Variants in PARP14 observed in about 807,000 individuals in gnomAD.
The protein encoded by PARP14 is poly(ADP-ribose) polymerase family member 14.
Under a neutral mutation model 154.2 loss-of-function variants are expected in PARP14, and 59 were observed. The observed-to-expected ratio is 0.38, with a 90% CI of 0.31 to 0.48. The LOEUF is 0.48. PARP14 is among the 20% of genes least tolerant of loss of function. The pLI, the probability that PARP14 is intolerant of heterozygous loss-of-function variation, is 0.98. For missense variants in PARP14, 1,734 were observed against 2,131.6 expected (o/e 0.81, Z 3.67); for synonymous variants, 720 against 780.5 (o/e 0.92, Z 1.29).
chr3:122,721,513 GGTGGCAGAGATTGCAGTGA>G (rs1266861915), intron 15 of PARP14: 2 of 152,606 alleles, frequency 1.3e-5, no homozygotes, highest in Admixed American at 6.5e-5. Flanking sequence ...CTTGAACATG[GGTGGCAGAGATTGCAGTGA>G]GCCAAGATCA....
Position 122,718,905 on chromosome 3 carries a change from C to T in PARP14, c.4754C>T (p.Ala1585Val), listed in dbSNP as rs1933075783. 2 of 1,612,554 alleles carry T rather than the reference C, an allele frequency of 1.2e-6. No homozygotes were observed. The highest frequency in any genetic ancestry group is 1.7e-6 in the Non-Finnish European group (2 of 1,179,288). Residue 1585 changes from alanine to valine, a missense_variant, in exon 14 of 17, where the codon GCC (alanine) becomes GTC (valine). This residue lies in a region of PARP14 where 1,646 missense variants were observed against 1,976.0 expected (regional missense o/e 0.83). Coordinates refer to ENST00000474629, the MANE Select transcript of PARP14 (RefSeq NM_017554.3). ...ACAGTGAACTTGAACACATACACTG[C>T]CACAGACACAAAGGGCCACAGTTTA... ...HYTVNLNTYT[A>V]TDTKGHSLSV...
Position 122,713,516 on chromosome 3 carries a change from A to G in PARP14, c.3712A>G (p.Lys1238Glu). 2 of 1,613,650 alleles carry G rather than the reference A, an allele frequency of 1.2e-6. No homozygotes were observed. The highest frequency in any genetic ancestry group is 1.7e-6 in the Non-Finnish European group (2 of 1,179,564). Residue 1238 changes from lysine (K) to glutamate (E), a missense_variant, in exon 10 of 17, where the codon AAA becomes GAA. Coordinates refer to ENST00000474629, the MANE Select transcript of PARP14 (RefSeq NM_017554.3). The stretch of plus-strand genomic sequence containing the variant: ...CCAGGTGGCTTCTGGAGATATCACG[A>G]AAGAAGAGGCAGATGTGATTGTAAA... ...IFQVASGDIT[K>E]EEADVIVNST...
At chr3:122,696,912 T>A (rs1252247517) in intron 5 of PARP14, among the ~76,000 whole-genome samples, 1 of 152,178 alleles carries the variant, frequency 6.6e-6, no homozygotes, top group Non-Finnish European at 1.5e-5. Flanking sequence ...ATTTACTGAC[T>A]TTCTTTTATG....
Position 122,700,057 on chromosome 3 carries a change from C to A in PARP14, c.1503C>A (p.Tyr501Ter), listed in dbSNP as rs761386965. The change falls in exon 6 of 17, where the codon TAC becomes TAA. Residue 501 changes from tyrosine (Y) to a stop codon, truncating the protein, a stop_gained. Coordinates refer to ENST00000474629, the MANE Select transcript of PARP14 (RefSeq NM_017554.3). LOFTEE classifies it high-confidence loss of function. Reference sequence around the variant, plus strand: ...AGTGCCCAGAGATAGAGATTTGTTACGATAGAGTCACTCAACACTTGTGCT... The same window carrying A: ...AGTGCCCAGAGATAGAGATTTGTTAAGATAGAGTCACTCAACACTTGTGCT... ...LTECPEIEIC[Y>*]DRVTQHLCLK... The A allele has an allele frequency of 6.2e-7, 1 of 1,613,716 alleles. No individual in the cohort carries two copies. Among genetic ancestry groups the A allele is most frequent in the Non-Finnish European group, 8.5e-7 (1 of 1,179,804 alleles).
At chr3:122,715,643 T>TATCG (rs1235902584) in intron 12 of PARP14, among the ~76,000 whole-genome samples, 11 of 148,866 alleles carry the variant, frequency 7.4e-5, no homozygotes, top group South Asian at 4.3e-4. Context: ...TCTATCTATC[T>TATCG]ATCTATCTAT....
Position 122,728,477 on chromosome 3 carries a change from C to A in PARP14, c.5286C>A (p.Asn1762Lys). 6.2e-7 allele frequency: 1 copy of A among 1,613,870 alleles called. No individual in the cohort carries two copies. The stretch of plus-strand genomic sequence containing the variant: ...CATTAATTGTGCCTCCTTCAAAGAA[C>A]CCTCAAAATCCTACTGACCTGTATG... ...NHSLIVPPSK[N>K]PQNPTDLYDT... The change falls in exon 17 of 17, where the codon AAC (asparagine) becomes AAA (lysine). Residue 1762 changes from asparagine (N) to lysine (K), a missense_variant. Around this residue, in one of 2 missense-constraint regions of PARP14, gnomAD observed 88 missense variants for 155.6 expected, o/e 0.57. Coordinates refer to ENST00000474629, the MANE Select transcript of PARP14 (RefSeq NM_017554.3).
chr3:122,707,307 G>A (rs575474703), intron 8 of PARP14, among the ~76,000 whole-genome samples: 2 of 151,492 alleles, frequency 1.3e-5, no homozygotes, highest in Admixed American at 1.3e-4. Context: ...CTTGAACCTG[G>A]GAGGCGGAGT....
At chr3:122,706,165 C>G (rs890416713) in intron 8 of PARP14, among the ~76,000 whole-genome samples, 2 of 152,200 alleles carry the variant, frequency 1.3e-5, no homozygotes, top group Admixed American at 6.5e-5. Context: ...CATTCATTTT[C>G]TTTCCTGAAG....
At chr3:122,722,396 C>T (rs1933183999) in intron 15 of PARP14, 1 of 152,148 alleles carries the variant, frequency 6.6e-6, no homozygotes, top group African/African-American at 2.4e-5. Context: ...CTGATTGGCA[C>T]ATTGTGATGA....
intron 15 of PARP14, chr3:122,722,034 A>G (rs1933177416): frequency 6.6e-6 from 1 of 152,234 alleles, no homozygotes; most frequent in East Asian, 1.9e-4. Flanking sequence ...AGCAAGAAGT[A>G]AACATTCAGG....
intron 6 of PARP14, among the ~76,000 whole-genome samples, chr3:122,702,311 G>C (rs529339580): frequency 6.0e-4 from 91 of 152,274 alleles, no homozygotes; most frequent in African/African-American, 2.1e-3. Flanking sequence ...CCGCCCCCTG[G>C]GTTCAAGTGA....
intron 15 of PARP14, among the ~76,000 whole-genome samples, chr3:122,724,460 A>ATTTTTTTTTT (rs956215914): frequency 2.0e-5 from 2 of 102,036 alleles, no homozygotes; most frequent in African/African-American, 4.0e-5. Context: ...CACCACGCCT[A>ATTTTTTTTTT]TTTTTTTTTT....
chr3:122,683,292 G>A (rs950583043), intron 1 of PARP14: 1 of 984,872 alleles, frequency 1.0e-6, no homozygotes, highest in Admixed American at 6.1e-5. Flanking sequence ...ATGCCAGGAA[G>A]TGGCCTCAAC....
Position 122,687,063 on chromosome 3 carries a change from T to C in PARP14, c.322-17T>C, listed in dbSNP as rs2107636545. ...TGTTAATCATGTATTAATGCTACTT[T>C]ATTGTTTGTGTTTCAGGAATCCAAG... On this transcript the variant is annotated splice_polypyrimidine_tract_variant and intron_variant, in intron 2 of 16. Coordinates refer to ENST00000474629, the MANE Select transcript of PARP14 (RefSeq NM_017554.3). The C allele has an allele frequency of 6.4e-7, 1 of 1,562,258 alleles. No individual in the cohort carries two copies. The highest frequency in any genetic ancestry group is 8.8e-7 in the Non-Finnish European group (1 of 1,142,440).
At position 122,718,088 on chromosome 3, in the gene PARP14, C is replaced by A. The variant is rs1248629728; in HGVS notation, c.4018C>A (p.Pro1340Thr). The change falls in exon 13 of 17, where the codon CCA becomes ACA. Residue 1340 changes from proline to threonine, a missense_variant. By Grantham distance (38) the Pro-to-Thr change is conservative. Transcript: ENST00000474629. The stretch of plus-strand genomic sequence containing the variant: ...TTTTCCAGGAAATGCCAAACAACAC[C>A]CAGATAAGGTTGCTGAAGCCATAAT... ...AIGTGNAKQH[P>T]DKVAEAIIDA... 1.2e-6 allele frequency: 2 copies of A among 1,613,554 alleles called. No individual in the cohort carries two copies. Among genetic ancestry groups the A allele is most frequent in the African/African-American group, 2.7e-5 (2 of 74,890 alleles).
chr3:122,708,822 C>T (rs967658049), intron 9 of PARP14, among the ~76,000 whole-genome samples: 1 of 152,138 alleles, frequency 6.6e-6, no homozygotes, highest in Middle Eastern at 3.4e-3. Context: ...CCCATGCCTA[C>T]CCCCCTCAAT....
intron 1 of PARP14, among the ~76,000 whole-genome samples, chr3:122,684,394 C>T (rs981960830): frequency 7.2e-5 from 11 of 152,174 alleles, no homozygotes; most frequent in Non-Finnish European, 1.3e-4. Context: ...TTTTTATAAT[C>T]GTAACTCACA....
At chr3:122,712,922 G>A (rs1939369109) in intron 9 of PARP14, among the ~76,000 whole-genome samples, 1 of 152,170 alleles carries the variant, frequency 6.6e-6, no homozygotes, top group African/African-American at 2.4e-5. Context: ...TATATAACAA[G>A]CAATTTTGGA....
At chr3:122,695,364 A>G (rs1376815523) in intron 4 of PARP14, 62 bp from the exon 5 acceptor site, 2 of 833,606 alleles carry the variant, frequency 2.4e-6, no homozygotes, top group East Asian at 2.7e-5. Flanking sequence ...ATTTTCTTCT[A>G]TACAACATAA....
Sources: gnomAD v4.1 joint callset for allele counts (sites outside exome capture counted in the v4.1 genomes callset) on GRCh38, gnomAD v4.1.1 for gene constraint, gnomAD v4.1.1 regional missense constraint, MANE v1.5 for transcripts, NCBI Gene and HGNC (gene_info 2026-07-23, HGNC 2026-07-21) for gene names.